Variants in PPP2R2B observed in about 807,000 individuals in gnomAD.
The protein encoded by PPP2R2B is protein phosphatase 2 regulatory subunit Bbeta, also known as serine/threonine-protein phosphatase 2A 55 kDa regulatory subunit B beta isoform.
PPP2R2B carries 5 observed loss-of-function variants against 46.0 expected under a neutral mutation model. That is an observed-to-expected ratio of 0.11 (90% CI 0.06 to 0.23). The LOEUF is 0.23. Ranked by LOEUF, PPP2R2B falls within the 10% of genes least tolerant of loss-of-function variation. PPP2R2B has a pLI of 1.00. For missense variants in PPP2R2B, 367 were observed against 575.0 expected (o/e 0.64, Z 3.70); for synonymous variants, 215 against 206.7 (o/e 1.04, Z -0.34).
At chr5:146,846,884 G>A (rs1760044695) in intron 2 of PPP2R2B, among the ~76,000 whole-genome samples, 2 of 152,046 alleles carry the variant, frequency 1.3e-5, no homozygotes, top group Admixed American at 6.6e-5. Context: ...TATATTGAGA[G>A]TGAAAAATAT....
At chr5:146,954,676 T>C (rs1452985089) in intron 1 of PPP2R2B, among the ~76,000 whole-genome samples, 2 of 150,894 alleles carry the variant, frequency 1.3e-5, no homozygotes, top group Non-Finnish European at 2.9e-5. Flanking sequence ...TTAAAAGAAA[T>C]GAAAAGAGAG....
At position 146,607,050 on chromosome 5, in the gene PPP2R2B, TAC is replaced by T. The variant is rs1315866161; in HGVS notation, c.791-6592_791-6591del. The T allele has an allele frequency of 2.0e-5, 3 of 152,310 alleles. No homozygotes were observed. In the East Asian group the frequency reaches 5.8e-4, roughly 29 times the overall value. 9.4% of individuals were successfully genotyped at this position (152,310 alleles called of 1,614,324 possible). A position where few individuals can be genotyped will look rare whatever the true frequency, so the allele number is the denominator to read the frequency against. On this transcript the variant is annotated intron_variant, in intron 7 of 9. Coordinates refer to ENST00000394411, the MANE Select transcript of PPP2R2B (RefSeq NM_181675.4). Reference sequence around the variant, plus strand: ...ATGGGGACACAACTGGCAATTTTCCTACAGAGTGAGGCAGATGGCAATTTTCC... The same window carrying T: ...ATGGGGACACAACTGGCAATTTTCCTAGAGTGAGGCAGATGGCAATTTTCC...
At chr5:147,022,469 G>A (rs1378002342) in intron 1 of PPP2R2B, among the ~76,000 whole-genome samples, 2 of 151,664 alleles carry the variant, frequency 1.3e-5, no homozygotes, top group African/African-American at 4.8e-5. Context: ...CTGAGGCAGG[G>A]GAATCGCTTG....
chr5:146,632,779 G>C (rs1040108269), intron 7 of PPP2R2B, among the ~76,000 whole-genome samples: 14 of 152,142 alleles, frequency 9.2e-5, no homozygotes, highest in Non-Finnish European at 1.8e-4. Flanking sequence ...TAGAGTGTGT[G>C]GGGGGCAGGG....
At chr5:147,062,335 T>C (rs572102833) in intron 2 of PPP2R2B, among the ~76,000 whole-genome samples, 69 of 152,258 alleles carry the variant, frequency 4.5e-4, no homozygotes, top group Admixed American at 1.3e-3. Context: ...CATCATCAAG[T>C]GATGCATGAC....
At chr5:146,692,503 C>T (rs1027839046) in intron 4 of PPP2R2B, among the ~76,000 whole-genome samples, 4 of 151,700 alleles carry the variant, frequency 2.6e-5, no homozygotes, top group Non-Finnish European at 5.9e-5. Flanking sequence ...GAATGGCGTG[C>T]CCTACATGCA....
At chr5:146,804,096 G>A (rs564109384) in intron 2 of PPP2R2B, among the ~76,000 whole-genome samples, 1 of 152,086 alleles carries the variant, frequency 6.6e-6, no homozygotes, top group African/African-American at 2.4e-5. Flanking sequence ...GAACCCGGGA[G>A]GTGGAGGTTG....
At chr5:146,906,778 A>G (rs1019514285) in intron 1 of PPP2R2B, among the ~76,000 whole-genome samples, 3 of 152,214 alleles carry the variant, frequency 2.0e-5, no homozygotes, top group Admixed American at 1.3e-4. Flanking sequence ...TTATACGTCT[A>G]TTGGGCAGTA....
intron 2 of PPP2R2B, among the ~76,000 whole-genome samples, chr5:146,723,075 A>C (rs1474125352): frequency 6.6e-6 from 1 of 152,198 alleles, no homozygotes; most frequent in Non-Finnish European, 1.5e-5. Flanking sequence ...CATTTTAAGC[A>C]CAATGTATAT....
At chr5:146,890,243 C>G (rs1762453996) in intron 1 of PPP2R2B, among the ~76,000 whole-genome samples, 2 of 152,172 alleles carry the variant, frequency 1.3e-5, no homozygotes, top group Admixed American at 6.5e-5. Flanking sequence ...CTCTTTTCTC[C>G]CTTGCCTCTG....
At chr5:146,626,404 A>G (rs963719634) in intron 7 of PPP2R2B, among the ~76,000 whole-genome samples, 2 of 152,252 alleles carry the variant, frequency 1.3e-5, no homozygotes, top group African/African-American at 4.8e-5. Context: ...AATGGTCATA[A>G]AACACAGACT....
chr5:147,004,169 G>T (rs1754319776), intron 1 of PPP2R2B, among the ~76,000 whole-genome samples: 1 of 152,172 alleles, frequency 6.6e-6, no homozygotes, highest in Non-Finnish European at 1.5e-5. Context: ...AGTGGGGCTT[G>T]TTACCAGTGT....
intron 2 of PPP2R2B, among the ~76,000 whole-genome samples, chr5:146,836,620 C>T (rs1759299807): frequency 1.3e-5 from 2 of 152,184 alleles, no homozygotes; most frequent in Admixed American, 6.5e-5. Flanking sequence ...GGTTCTGTGG[C>T]TTTGCCTAAT....
chr5:146,991,951 G>A (rs1753714583), intron 1 of PPP2R2B, among the ~76,000 whole-genome samples: 1 of 151,946 alleles, frequency 6.6e-6, no homozygotes, highest in Non-Finnish European at 1.5e-5. Context: ...TCTTGCCAAA[G>A]CAATCTACAG....
chr5:146,902,906 C>T (rs1339997289), intron 1 of PPP2R2B, among the ~76,000 whole-genome samples: 1 of 152,130 alleles, frequency 6.6e-6, no homozygotes, highest in African/African-American at 2.4e-5. Flanking sequence ...TCTAGGGATC[C>T]CTAAAATTGC....
chr5:146,816,006 A>T (rs1757911015), intron 2 of PPP2R2B, among the ~76,000 whole-genome samples: 1 of 152,190 alleles, frequency 6.6e-6, no homozygotes, highest in South Asian at 2.1e-4. Context: ...AGTCTGCTCC[A>T]GATTAAAGTT....
At chr5:146,893,556 A>T (rs568490616) in intron 1 of PPP2R2B, among the ~76,000 whole-genome samples, 78 of 152,196 alleles carry the variant, frequency 5.1e-4, no homozygotes, top group African/African-American at 1.9e-3. Flanking sequence ...GCTGTGGCTC[A>T]CACCTGTAAT....
chr5:146,910,816 A>G (rs749304021), intron 1 of PPP2R2B, among the ~76,000 whole-genome samples: 1 of 152,192 alleles, frequency 6.6e-6, no homozygotes, highest in African/African-American at 2.4e-5. Context: ...AATCATTAGC[A>G]TGTCCCCCAA....
rs1161627094 is a variant in PPP2R2B at position 146,682,943 on chromosome 5, A to T, written c.447+8185T>A. ...AGGAGACAAGAGGAAAAAGGAAGGGATTTTAAAAATCAAATCTGAGAATCT... is the reference window on the plus strand; with the variant it reads ...AGGAGACAAGAGGAAAAAGGAAGGGTTTTTAAAAATCAAATCTGAGAATCT... On this transcript the variant is annotated intron_variant, in intron 5 of 9. Coordinates refer to ENST00000394411, the MANE Select transcript of PPP2R2B (RefSeq NM_181675.4). Among the ~76,000 whole-genome samples the T allele has an allele frequency of 2.6e-5, 4 of 152,178 alleles. No individual in the cohort carries two copies. In the East Asian group the frequency reaches 7.7e-4, roughly 29 times the overall value.
Sources: allele counts gnomAD v4.1 joint callset (sites outside exome capture counted in the v4.1 genomes callset), GRCh38; gene constraint gnomAD v4.1.1; transcripts MANE v1.5; gene names NCBI Gene and HGNC (gene_info 2026-07-23, HGNC 2026-07-21).